PLCXD3: variants seen among roughly 807,000 people sequenced by gnomAD.
PLCXD3 encodes the protein PI-PLC X domain-containing protein 3.
PLCXD3 carries 19 observed loss-of-function variants against 25.5 expected under a neutral mutation model. That is an observed-to-expected ratio of 0.75 (90% CI 0.52 to 1.09). The LOEUF (loss-of-function observed/expected upper bound fraction) is 1.09. PLCXD3 is among the 50% of genes least tolerant of loss of function. The pLI, the probability that PLCXD3 is intolerant of heterozygous loss-of-function variation, is 0.00. For synonymous variants in PLCXD3, 174 were observed against 137.6 expected (o/e 1.26, Z -1.85); for missense variants, 411 against 388.1 (o/e 1.06, Z -0.50).
At chr5:41,394,187 CTTGT>C (rs1275426265) in intron 1 of PLCXD3, among the ~76,000 whole-genome samples, 2 of 151,950 alleles carry the variant, frequency 1.3e-5, no homozygotes, top group Non-Finnish European at 2.9e-5. Flanking sequence ...TTTCTTTCTG[CTTGT>C]TTGTTTATGT....
chr5:41,376,026 A>G (rs1243160170), intron 2 of PLCXD3, among the ~76,000 whole-genome samples: 1 of 152,134 alleles, frequency 6.6e-6, no homozygotes, highest in African/African-American at 2.4e-5. Context: ...CTCTTAGCAC[A>G]GTGCCTGGCA....
intron 2 of PLCXD3, among the ~76,000 whole-genome samples, chr5:41,316,989 G>T (rs1044435544): frequency 8.5e-5 from 13 of 152,316 alleles, no homozygotes; most frequent in African/African-American, 2.6e-4. Context: ...TGATTGTTCA[G>T]CCCCAGGGCC....
chr5:41,324,496 C>T (rs577417195), intron 2 of PLCXD3, among the ~76,000 whole-genome samples: 1 of 152,116 alleles, frequency 6.6e-6, no homozygotes, highest in Non-Finnish European at 1.5e-5. Context: ...CCTAAATGGC[C>T]CAATGCCTTT....
intron 1 of PLCXD3, among the ~76,000 whole-genome samples, chr5:41,411,347 T>G (rs1441813607): frequency 2.0e-5 from 3 of 152,354 alleles, no homozygotes; most frequent in African/African-American, 7.2e-5. Context: ...TATGATGCCC[T>G]CACCAAACAC....
chr5:41,336,228 T>C (rs761366840), intron 2 of PLCXD3, among the ~76,000 whole-genome samples: 2 of 152,112 alleles, frequency 1.3e-5, no homozygotes, highest in Non-Finnish European at 2.9e-5. Context: ...CAATACATTA[T>C]AGATAGGTGG....
intron 2 of PLCXD3, among the ~76,000 whole-genome samples, chr5:41,364,585 C>T (rs1451838412): frequency 2.0e-5 from 3 of 152,126 alleles, no homozygotes; most frequent in Admixed American, 6.6e-5. Context: ...ATGTGCTATT[C>T]CCACTCTATA....
intron 1 of PLCXD3, among the ~76,000 whole-genome samples, chr5:41,389,519 G>A (rs1745742968): frequency 6.6e-6 from 1 of 152,136 alleles, no homozygotes; most frequent in African/African-American, 2.4e-5. Context: ...AACATGAGAA[G>A]AGCCTCTGTG....
chr5:41,381,109 C>A (rs915805060), intron 2 of PLCXD3, among the ~76,000 whole-genome samples: 3 of 152,102 alleles, frequency 2.0e-5, no homozygotes, highest in African/African-American at 7.2e-5. Context: ...TTTTGAACCT[C>A]ATTTTTTAAA....
chr5:41,491,893 G>A (rs933942669), intron 1 of PLCXD3, among the ~76,000 whole-genome samples: 8 of 152,074 alleles, frequency 5.3e-5, no homozygotes, highest in African/African-American at 1.9e-4. Flanking sequence ...TATCGCATTT[G>A]CCAGTCTGTG....
At chr5:41,490,317 T>G (rs914592691) in intron 1 of PLCXD3, among the ~76,000 whole-genome samples, 25 of 152,244 alleles carry the variant, frequency 1.6e-4, no homozygotes, top group Non-Finnish European at 3.2e-4. Context: ...CTTTTTGACA[T>G]GCTGCTGGAT....
rs79219340 is a variant in PLCXD3, at chr5:41,463,632, T to A, written c.103+46792A>T. Among the ~76,000 whole-genome samples, 682 of 152,130 alleles carry A rather than the reference T, an allele frequency of 4.5e-3. 9 individuals are homozygous for A. The highest frequency in any genetic ancestry group is 0.016 in the African/African-American group (652 of 41,538). On this transcript the variant is annotated intron_variant, in intron 1 of 2. Transcript: ENST00000377801. The stretch of plus-strand genomic sequence containing the variant: ...CCATTACTAATTCATGTTTACAACT[T>A]CTTAGGGATCTTCCCAGACCTTGCA...
At position 41,468,860 on chromosome 5, in the gene PLCXD3, G is replaced by A. The variant is rs375371167; in HGVS notation, c.103+41564C>T. 3.3e-5 allele frequency among the ~76,000 whole-genome samples: 5 copies of A among 152,090 alleles called. 1 individual carries two copies. Among genetic ancestry groups the A allele is most frequent in the East Asian group, 3.9e-4 (2 of 5,188 alleles). On this transcript the variant is annotated intron_variant, in intron 1 of 2. Coordinates refer to ENST00000377801, the MANE Select transcript of PLCXD3 (RefSeq NM_001005473.3). ...TCACTTCCTCTATTGCTATGAGTAT[G>A]ACTTTTATTTCTTTCTTTTGCCTAA...
intron 2 of PLCXD3, among the ~76,000 whole-genome samples, chr5:41,347,632 C>A (rs2150479833): frequency 6.6e-6 from 1 of 152,284 alleles, no homozygotes; most frequent in African/African-American, 2.4e-5. Flanking sequence ...TTTATTATGG[C>A]AGCTATTAAA....
intron 1 of PLCXD3, among the ~76,000 whole-genome samples, chr5:41,507,965 A>G (rs1377480729): frequency 1.3e-5 from 2 of 152,236 alleles, no homozygotes; most frequent in Non-Finnish European, 2.9e-5. Context: ...GTGCTGAGTA[A>G]TGCAAAAAGG....
rs997552101 is a variant in PLCXD3 at position 41,333,312 on chromosome 5, G to A, written c.813-19542C>T. ...AGTCAACTGTGACAGATTTTCAAAT[G>A]TGTTTTCTTGTCAGTCTTGTCATTT... On this transcript the variant is annotated intron_variant, in intron 2 of 2. Coordinates refer to ENST00000377801, the MANE Select transcript of PLCXD3 (RefSeq NM_001005473.3). Among the ~76,000 whole-genome samples the A allele has an allele frequency of 2.6e-5, 4 of 152,078 alleles. No homozygotes were observed. The East Asian group carries it at 5.8e-4, about 22-fold the overall frequency.
intron 2 of PLCXD3, among the ~76,000 whole-genome samples, chr5:41,340,414 C>G (rs1285356712): frequency 6.6e-6 from 1 of 152,160 alleles, no homozygotes; most frequent in Non-Finnish European, 1.5e-5. Flanking sequence ...GCCATGCGTT[C>G]TCAGTTTCTC....
chr5:41,368,438 G>T (rs565061607), intron 2 of PLCXD3, among the ~76,000 whole-genome samples: 2 of 152,188 alleles, frequency 1.3e-5, no homozygotes, highest in Admixed American at 1.3e-4. Context: ...CTTTTGGGCT[G>T]AGACAATGGG....
chr5:41,362,728 G>A (rs1390741219), intron 2 of PLCXD3, among the ~76,000 whole-genome samples: 3 of 152,104 alleles, frequency 2.0e-5, no homozygotes, highest in East Asian at 1.9e-4. Context: ...TTTACTGCTT[G>A]CTATTTTACT....
In PLCXD3 at chr5:41,387,708, G is replaced by T. The variant is rs144915060; in HGVS notation, c.104-5174C>A. ...AAATGGTCTACCAACCTGATGGAAA[G>T]AAATGTTCTTATTTTTAAACTAATG... On this transcript the variant is annotated intron_variant, in intron 1 of 2. Transcript: ENST00000377801. Among the ~76,000 whole-genome samples, 123 of 152,154 alleles carry T rather than the reference G, an allele frequency of 8.1e-4. 1 individual carries two copies. Among genetic ancestry groups the T allele is most frequent in the African/African-American group, 2.8e-3 (115 of 41,556 alleles).
Sources: gnomAD v4.1 joint callset for allele counts (sites outside exome capture counted in the v4.1 genomes callset) on GRCh38, gnomAD v4.1.1 for gene constraint, MANE v1.5 for transcripts, NCBI Gene and HGNC (gene_info 2026-07-23, HGNC 2026-07-21) for gene names.